ATG7: variants seen among roughly 807,000 people sequenced by gnomAD.
The protein encoded by ATG7 is autophagy related 7.
ATG7 carries 70 observed loss-of-function variants against 82.4 expected under a neutral mutation model. The observed-to-expected ratio is 0.85, with a 90% confidence interval of 0.70 to 1.04. ATG7 has a LOEUF of 1.04. Among genes scored for constraint, ATG7 ranks in the 50% least tolerant of loss-of-function variants. The pLI is 0.00. For missense variants in ATG7, 792 were observed against 864.3 expected, an observed-to-expected ratio of 0.92 and a Z score of 1.05; for synonymous variants, 287 against 313.0, an observed-to-expected ratio of 0.92 and a Z score of 0.88.
intron 20 of ATG7, among the ~76,000 whole-genome samples, chr3:11,480,599 G>A (rs566306193): frequency 6.6e-6 from 1 of 152,172 alleles, no homozygotes; most frequent in African/African-American, 2.4e-5. Context: ...CTTACAATCT[G>A]TGCTCACTGG....
At chr3:11,534,114 G>T (rs1437908992) in intron 20 of ATG7, among the ~76,000 whole-genome samples, 1 of 152,204 alleles carries the variant, frequency 6.6e-6, no homozygotes, top group Non-Finnish European at 1.5e-5. Context: ...TATCCAGTTG[G>T]CACAGCCATG....
chr3:11,336,023 A>G (rs1347299937), intron 11 of ATG7, among the ~76,000 whole-genome samples: 1 of 145,312 alleles, frequency 6.9e-6, no homozygotes, highest in Non-Finnish European at 1.5e-5. Context: ...GGCATGAGCC[A>G]CTGTGCCCGG....
chr3:11,287,011 C>T (rs1378854601), intron 3 of ATG7, among the ~76,000 whole-genome samples: 1 of 152,108 alleles, frequency 6.6e-6, no homozygotes, highest in Admixed American at 6.6e-5. Context: ...AAGCAGTCCT[C>T]CTGCCTCAGC....
At chr3:11,574,160 T>G in the ATG7 span, among the ~76,000 whole-genome samples, 2 of 152,174 alleles carry the variant, frequency 1.3e-5, no homozygotes, top group Non-Finnish European at 1.5e-5. Flanking sequence ...ACCCCATCTG[T>G]GGCCCTGTGT....
At chr3:11,487,536 G>A (rs1464044055) in intron 20 of ATG7, among the ~76,000 whole-genome samples, 2 of 20,166 alleles carry the variant, frequency 9.9e-5, no homozygotes, top group East Asian at 1.5e-3. Context: ...CAGTAGGGGC[G>A]GCCGGGCAGA....
intron 20 of ATG7, among the ~76,000 whole-genome samples, chr3:11,519,716 C>T (rs2092392311): frequency 6.6e-6 from 1 of 151,552 alleles, no homozygotes; most frequent in Admixed American, 6.6e-5. Flanking sequence ...CCCGTCACCG[C>T]GCCCGGCTAA....
intron 7 of ATG7, among the ~76,000 whole-genome samples, chr3:11,311,707 A>G (rs942223552): frequency 6.6e-6 from 1 of 152,134 alleles, no homozygotes; most frequent in African/African-American, 2.4e-5. Context: ...AGAAGAGAAA[A>G]TAATCTCTGG....
intron 20 of ATG7, among the ~76,000 whole-genome samples, chr3:11,506,671 G>A (rs2091749718): frequency 6.6e-6 from 1 of 151,904 alleles, no homozygotes; most frequent in African/African-American, 2.4e-5. Flanking sequence ...GAACCCAGGA[G>A]GCAGAGGTTG....
At chr3:11,489,994 C>A (rs531670228) in intron 20 of ATG7, among the ~76,000 whole-genome samples, 2 of 151,760 alleles carry the variant, frequency 1.3e-5, no homozygotes. Flanking sequence ...CTATTAGGTC[C>A]GCTTGGTGCA....
At chr3:11,337,359 A>G (rs1050388019) in intron 11 of ATG7, among the ~76,000 whole-genome samples, 1 of 152,120 alleles carries the variant, frequency 6.6e-6, no homozygotes, top group African/African-American at 2.4e-5. Flanking sequence ...AGGCTGAGGC[A>G]GGAGAATCGC....
chr3:11,498,446 A>G (rs1425779201), intron 20 of ATG7, among the ~76,000 whole-genome samples: 1 of 152,142 alleles, frequency 6.6e-6, no homozygotes, highest in East Asian at 1.9e-4. Flanking sequence ...TTCAGGTGCT[A>G]TAATTTCCTT....
At chr3:11,426,201 G>C (rs1368716169) in intron 19 of ATG7, among the ~76,000 whole-genome samples, 3 of 152,062 alleles carry the variant, frequency 2.0e-5, no homozygotes, top group Non-Finnish European at 2.9e-5. Context: ...CCAGCACTTG[G>C]TATTTTCTTT....
chr3:11,570,109 T>C, the ATG7 span, among the ~76,000 whole-genome samples: 1 of 151,978 alleles, frequency 6.6e-6, no homozygotes, highest in Non-Finnish European at 1.5e-5. Flanking sequence ...ACAGGGCAGG[T>C]CAGCACCATC....
chr3:11,556,493 TACGAC>T lies in ATG7; in HGVS notation c.*1651_*1655del. On this transcript the variant is annotated 3_prime_UTR_variant, in exon 21 of 21. Coordinates refer to ENST00000693202, the MANE Select transcript of ATG7 (RefSeq NM_001349232.2). ...GGTCAGCTGTGGGTGGTTTTCCTGT[TACGAC>T]GCTCAGTAGCCTGTAGCAATAACAA... is the stretch of plus-strand genomic sequence containing the variant. The T allele has an allele frequency of 6.5e-6, 1 of 152,734 alleles. No individual in the cohort carries two copies. The highest frequency in any genetic ancestry group is 1.9e-4 in the East Asian group (1 of 5,310). The allele number at this position is 152,734 out of a possible 1,614,324, so 9.5% of individuals were successfully genotyped here.
chr3:11,490,727 A>G, intron 20 of ATG7, among the ~76,000 whole-genome samples: 1 of 152,008 alleles, frequency 6.6e-6, no homozygotes, highest in East Asian at 1.9e-4. Flanking sequence ...TCCTTCACTT[A>G]TGAAGCTTAG....
At chr3:11,343,233 A>G (rs1953958611) in intron 13 of ATG7, among the ~76,000 whole-genome samples, 1 of 152,150 alleles carries the variant, frequency 6.6e-6, no homozygotes, top group Non-Finnish European at 1.5e-5. Context: ...CTGGCCAAAC[A>G]TGTTTTTCAA....
intron 20 of ATG7, among the ~76,000 whole-genome samples, chr3:11,511,823 G>A (rs534287625): frequency 2.6e-4 from 40 of 152,290 alleles, no homozygotes; most frequent in East Asian, 1.5e-3. Flanking sequence ...TACACCCTCC[G>A]CAGCCACTGG....
intron 20 of ATG7, among the ~76,000 whole-genome samples, chr3:11,523,317 A>C (rs1304384528): frequency 6.6e-6 from 1 of 152,274 alleles, no homozygotes; most frequent in Non-Finnish European, 1.5e-5. Flanking sequence ...AGTAATGCTC[A>C]TAAAATTCTT....
intron 20 of ATG7, among the ~76,000 whole-genome samples, chr3:11,522,457 C>T (rs1377338296): frequency 6.7e-6 from 1 of 149,700 alleles, no homozygotes; most frequent in African/African-American, 2.4e-5. Context: ...AATAAGCTCA[C>T]GATTTATTAG....
Sources: gnomAD v4.1 joint callset for allele counts (sites outside exome capture counted in the v4.1 genomes callset) on GRCh38, gnomAD v4.1.1 for gene constraint, MANE v1.5 for transcripts, NCBI Gene and HGNC (gene_info 2026-07-23, HGNC 2026-07-21) for gene names.